The following CFAP96 variants were observed in gnomAD, a reference collection of about 807,000 sequenced individuals.
CFAP96 encodes cilia-and flagella-associated protein 96.
the CFAP96 span, among the ~76,000 whole-genome samples, chr4:185,448,546 AT>A: frequency 6.6e-6 from 1 of 152,302 alleles, no homozygotes; most frequent in East Asian, 1.9e-4. Flanking sequence ...CTGAACCACG[AT>A]TCCCCTAGAT....
the CFAP96 span, among the ~76,000 whole-genome samples, chr4:185,409,473 C>G: frequency 1.3e-5 from 2 of 152,058 alleles, no homozygotes; most frequent in East Asian, 3.8e-4. Context: ...TACAGTTGCA[C>G]ACCACCATGC....
the CFAP96 span, among the ~76,000 whole-genome samples, chr4:185,433,676 C>T: frequency 1.3e-4 from 20 of 151,042 alleles, no homozygotes; most frequent in Admixed American, 2.6e-4. Flanking sequence ...CCGAGGCGGG[C>T]GGATCACCTG....
the CFAP96 span, among the ~76,000 whole-genome samples, chr4:185,442,034 T>G: frequency 6.6e-6 from 1 of 152,164 alleles, no homozygotes; most frequent in African/African-American, 2.4e-5. Context: ...CAAACCAAAA[T>G]TCTTATTTTT....
At chr4:185,438,774 A>C in the CFAP96 span, among the ~76,000 whole-genome samples, 1 of 152,284 alleles carries the variant, frequency 6.6e-6, no homozygotes, top group East Asian at 1.9e-4. Context: ...GTGTGATAGG[A>C]GCTATGCTCA....
the CFAP96 span, among the ~76,000 whole-genome samples, chr4:185,448,062 C>G: frequency 6.6e-6 from 1 of 152,136 alleles, no homozygotes; most frequent in African/African-American, 2.4e-5. Context: ...CTCTTGTCAC[C>G]CAGGCTGGAG....
the CFAP96 span, chr4:185,429,539 C>T: frequency 1.4e-5 from 17 of 1,175,262 alleles, no homozygotes; most frequent in Admixed American, 5.2e-5. Context: ...TCTCTATGGA[C>T]GAATAGTGGG....
chr4:185,448,108 C>T, the CFAP96 span, among the ~76,000 whole-genome samples: 1 of 151,502 alleles, frequency 6.6e-6, no homozygotes, highest in Non-Finnish European at 1.5e-5. Flanking sequence ...GCAACCTCTG[C>T]CTCCCAGGTT....
the CFAP96 span, among the ~76,000 whole-genome samples, chr4:185,419,984 TG>T: frequency 6.6e-6 from 1 of 152,366 alleles, no homozygotes; most frequent in African/African-American, 2.4e-5. Flanking sequence ...TTTCAGGAAC[TG>T]CCAAGCTGTT....
At chr4:185,449,677 A>G in the CFAP96 span, 9 of 1,416,776 alleles carry the variant, frequency 6.4e-6, 1 homozygote, top group South Asian at 7.9e-5. Context: ...CTAGATCTTA[A>G]CTATGAGTAA....
chr4:185,442,995 ATGCC>A, the CFAP96 span, among the ~76,000 whole-genome samples: 2 of 152,246 alleles, frequency 1.3e-5, no homozygotes, highest in South Asian at 2.1e-4. Context: ...GACTATGTAT[ATGCC>A]TTGTTCTATT....
At chr4:185,449,408 CT>C in the CFAP96 span, among the ~76,000 whole-genome samples, 2 of 151,940 alleles carry the variant, frequency 1.3e-5, no homozygotes, top group Non-Finnish European at 2.9e-5. Flanking sequence ...GTAGTTTCAG[CT>C]ACTTGGGCGG....
chr4:185,422,131 G>C, the CFAP96 span, among the ~76,000 whole-genome samples: 1 of 152,180 alleles, frequency 6.6e-6, no homozygotes, highest in Admixed American at 6.5e-5. Context: ...AAGAGAGTAG[G>C]TTCTGGAGAC....
the CFAP96 span, among the ~76,000 whole-genome samples, chr4:185,421,831 A>G: frequency 6.6e-6 from 1 of 152,166 alleles, no homozygotes; most frequent in East Asian, 1.9e-4. Context: ...GGTGTTAACT[A>G]TCACCCTTCA....
chr4:185,446,042 T>C, the CFAP96 span, among the ~76,000 whole-genome samples: 1 of 152,068 alleles, frequency 6.6e-6, no homozygotes, highest in Admixed American at 6.6e-5. Flanking sequence ...AGTTTCTCCA[T>C]GTTGGTAAGG....
the CFAP96 span, among the ~76,000 whole-genome samples, chr4:185,443,318 A>ATG: frequency 7.1e-3 from 312 of 43,910 alleles, 2 homozygotes; most frequent in African/African-American, 0.015. Context: ...ATTATTTTTT[A>ATG]TGTATATATA....
At chr4:185,439,432 TA>T in the CFAP96 span, among the ~76,000 whole-genome samples, 3 of 152,200 alleles carry the variant, frequency 2.0e-5, no homozygotes, top group Admixed American at 6.5e-5. Context: ...AGCAGGTTCC[TA>T]GTAGCGAAAG....
chr4:185,425,970 C>G, the CFAP96 span: 8 of 1,374,356 alleles, frequency 5.8e-6, no homozygotes, highest in African/African-American at 2.8e-5. Flanking sequence ...GGGGCCCGGG[C>G]GGACCAACTA....
the CFAP96 span, among the ~76,000 whole-genome samples, chr4:185,442,368 A>G: frequency 1.3e-5 from 2 of 152,002 alleles, no homozygotes; most frequent in African/African-American, 4.8e-5. Context: ...TGTATTTTAT[A>G]TTGCATAGGT....
At chr4:185,418,325 G>T in the CFAP96 span, 4 of 731,596 alleles carry the variant, frequency 5.5e-6, no homozygotes, top group Non-Finnish European at 8.5e-6. Context: ...TAATCTTTTT[G>T]GACATCAATA....
Sources: gnomAD v4.1 joint callset for allele counts (sites outside exome capture counted in the v4.1 genomes callset) on GRCh38, gnomAD v4.1.1 for gene constraint, MANE v1.5 for transcripts, NCBI Gene and HGNC (gene_info 2026-07-23, HGNC 2026-07-21) for gene names.